Variants in TNS3 observed in about 807,000 individuals in gnomAD.
The protein encoded by TNS3 is tensin 3.
A neutral mutation model predicts 140.9 loss-of-function variants in TNS3; 45 were observed. The ratio of observed to expected loss-of-function variants is 0.32; its 90% CI spans 0.25 to 0.41. The LOEUF (loss-of-function observed/expected upper bound fraction) is 0.41. Among genes scored for constraint, TNS3 ranks in the 10% least tolerant of loss-of-function variants. TNS3 has a pLI of 1.00. For synonymous variants in TNS3, 815 were observed against 788.4 expected (o/e 1.03, Z -0.56); for missense variants, 1,716 against 1,906.7 (o/e 0.90, Z 1.86).
At chr7:47,428,842 G>A (rs1420508576) in intron 8 of TNS3, among the ~76,000 whole-genome samples, 1 of 152,208 alleles carries the variant, frequency 6.6e-6, no homozygotes, top group African/African-American at 2.4e-5. Context: ...CGGCACCTGA[G>A]CTCCACATAC....
At position 47,415,107 on chromosome 7, in the gene TNS3, G is replaced by A. The variant is rs368113552; in HGVS notation, c.573C>T (p.Phe191=). ...HFVILHGTPN[F]DTGGVCRPFL... ...GGGGACACTCACCTCCACCTGTGTC[G>A]AAGTTGGGGGTGCCGTGGAGGATGA... The change falls in exon 11 of 31, where the codon TTC becomes TTT. Residue 191 remains phenylalanine, a synonymous_variant. Transcript: ENST00000311160. 1.6e-4 allele frequency: 262 copies of A among 1,611,590 alleles called. No homozygotes were observed. Among genetic ancestry groups the A allele is most frequent in the Non-Finnish European group, 2.0e-4 (241 of 1,178,976 alleles).
intron 16 of TNS3, among the ~76,000 whole-genome samples, chr7:47,382,037 T>C (rs921446987): frequency 1.3e-5 from 2 of 152,228 alleles, no homozygotes; most frequent in African/African-American, 4.8e-5. Context: ...ACTGTATGTC[T>C]AGATATGGCT....
At chr7:47,533,123 A>ATATATATATATATGTATTTTT (rs1186427934) in intron 1 of TNS3, among the ~76,000 whole-genome samples, 5 of 88,818 alleles carry the variant, frequency 5.6e-5, no homozygotes, top group South Asian at 3.9e-4. Flanking sequence ...ATATATATAT[A>ATATATATATATATGTATTTTT]TTTTTTTTTT....
chr7:47,322,961 G>A (rs1228689784), intron 20 of TNS3, among the ~76,000 whole-genome samples: 3 of 152,154 alleles, frequency 2.0e-5, no homozygotes, highest in Non-Finnish European at 2.9e-5. Flanking sequence ...CATCACCAGG[G>A]CTTCCTACAT....
At chr7:47,434,120 T>C (rs779007532) in intron 8 of TNS3, among the ~76,000 whole-genome samples, 4 of 151,914 alleles carry the variant, frequency 2.6e-5, no homozygotes, top group Non-Finnish European at 4.4e-5. Flanking sequence ...CCGATGGAAG[T>C]TTTCTGCACA....
At chr7:47,444,300 T>C (rs1020734135) in intron 4 of TNS3, among the ~76,000 whole-genome samples, 1 of 150,260 alleles carries the variant, frequency 6.7e-6, no homozygotes, top group Non-Finnish European at 1.5e-5. Context: ...GTGACTCCCA[T>C]TGCAATGCCA....
chr7:47,434,281 C>G (rs1795068077), intron 8 of TNS3, among the ~76,000 whole-genome samples: 1 of 146,778 alleles, frequency 6.8e-6, no homozygotes. Flanking sequence ...GATTTCTGTG[C>G]AGTTTTTTAG....
chr7:47,478,742 T>C (rs1255356099), intron 4 of TNS3, among the ~76,000 whole-genome samples: 1 of 152,150 alleles, frequency 6.6e-6, no homozygotes, highest in African/African-American at 2.4e-5. Flanking sequence ...GGCACATGTA[T>C]GTATTCATGT....
rs746145967 is a variant in TNS3, at chr7:47,368,719, C to T, written c.1927G>A (p.Val643Ile). 6.3e-7 allele frequency: 1 copy of T among 1,578,138 alleles called. No homozygotes were observed. The highest frequency in any genetic ancestry group is 8.6e-7 in the Non-Finnish European group (1 of 1,161,702). The change falls in exon 17 of 31, where the codon GTC becomes ATC. Residue 643 changes from valine (V) to isoleucine (I), a missense_variant. This residue lies in a region of TNS3 where 1,163 missense variants were observed against 1,182.1 expected (regional missense o/e 0.98). Coordinates refer to ENST00000311160, the MANE Select transcript of TNS3 (RefSeq NM_022748.12). ...GGCCCACTGCCTACACCCCTCTGGA[C>T]AGCCACCCTACTGCTGGTCCCTCGG... ...PTRGTSSRVAVQRGVGSGPHP... is the reference protein window; with the variant it reads ...PTRGTSSRVAIQRGVGSGPHP...
intron 21 of TNS3, among the ~76,000 whole-genome samples, chr7:47,303,831 C>T (rs979575661): frequency 2.6e-5 from 4 of 152,204 alleles, no homozygotes; most frequent in African/African-American, 9.6e-5. Flanking sequence ...GGGGAGCCGC[C>T]CCATGAAGGC....
Position 47,302,070 on chromosome 7 carries a change from A to G in TNS3, c.3544+116T>C, listed in dbSNP as rs183063431. ...AACGTGTGGGCCCTGCTCAAACTCA[A>G]TCCATATGAAGGCCACGGCTGCCCG... On this transcript the variant is annotated intron_variant, in intron 23 of 30. Coordinates refer to ENST00000311160, the MANE Select transcript of TNS3 (RefSeq NM_022748.12). 424 of 793,222 alleles carry G rather than the reference A, an allele frequency of 5.3e-4. No individual in the cohort carries two copies. In the African/African-American group the frequency reaches 5.8e-3, roughly 11 times the overall value. 49.1% of individuals were successfully genotyped at this position (793,222 alleles called of 1,614,324 possible).
At position 47,534,476 on chromosome 7, in the gene TNS3, G is replaced by C. The variant is rs79757440; in HGVS notation, c.-264-5329C>G. ...ACGCTGTATCATCTGTCAGTTCATA[G>C]GAATCACTGGGGCAGTTTTTAAAAC... On this transcript the variant is annotated intron_variant, in intron 1 of 30. Coordinates refer to ENST00000311160, the MANE Select transcript of TNS3 (RefSeq NM_022748.12). 9.2e-3 allele frequency among the ~76,000 whole-genome samples: 1,401 copies of C among 151,910 alleles called. 19 individuals are homozygous for C. Among genetic ancestry groups the C allele is most frequent in the African/African-American group, 0.032 (1,306 of 41,280 alleles).
chr7:47,297,595 G>A (rs779763232), intron 23 of TNS3, among the ~76,000 whole-genome samples: 12 of 152,022 alleles, frequency 7.9e-5, no homozygotes, highest in Non-Finnish European at 1.3e-4. Context: ...GACAGCCCAG[G>A]AAACCAAGGC....
rs187728541 is a variant in TNS3 at position 47,518,132 on chromosome 7, G to A, written c.-153+10904C>T. ...CAAGGCTCTTGGCTGCACCCAGCCT[G>A]CCTCCCACAGCACCATTTCCTCAGC... On this transcript the variant is annotated intron_variant, in intron 2 of 30. Coordinates refer to ENST00000311160, the MANE Select transcript of TNS3 (RefSeq NM_022748.12). Among the ~76,000 whole-genome samples the A allele has an allele frequency of 3.3e-4, 51 of 152,294 alleles. No individual in the cohort carries two copies. The East Asian group carries it at 9.3e-3, about 28-fold the overall frequency.
intron 13 of TNS3, among the ~76,000 whole-genome samples, chr7:47,404,434 G>T (rs372097658): frequency 2.2e-4 from 33 of 152,156 alleles, no homozygotes; most frequent in African/African-American, 7.9e-4. Flanking sequence ...TATTTAAAGG[G>T]CATAAGCTTC....
At chr7:47,582,443 G>T (rs890439779), upstream of TNS3, 2 of 456,656 alleles carry the variant, frequency 4.4e-6, no homozygotes, top group Non-Finnish European at 8.8e-6. Flanking sequence ...AGGCGGGTTC[G>T]GATCCTGGTT....
At chr7:47,336,642 A>G (rs1158785415) in intron 20 of TNS3, among the ~76,000 whole-genome samples, 4 of 152,214 alleles carry the variant, frequency 2.6e-5, no homozygotes. Flanking sequence ...TTATGGCTAA[A>G]CTAAGTGCCC....
intron 1 of TNS3, among the ~76,000 whole-genome samples, chr7:47,546,305 G>A (rs1248602552): frequency 6.6e-6 from 1 of 152,118 alleles, no homozygotes; most frequent in Non-Finnish European, 1.5e-5. Context: ...GTCCACGTCC[G>A]GCACCCCCTG....
intron 4 of TNS3, among the ~76,000 whole-genome samples, chr7:47,454,026 T>C (rs1796141165): frequency 6.6e-6 from 1 of 152,252 alleles, no homozygotes; most frequent in African/African-American, 2.4e-5. Context: ...TTTTATCACT[T>C]ATTTCATAAC....
Sources: gnomAD v4.1 joint callset for allele counts (sites outside exome capture counted in the v4.1 genomes callset) on GRCh38, gnomAD v4.1.1 for gene constraint, gnomAD v4.1.1 regional missense constraint, MANE v1.5 for transcripts, NCBI Gene and HGNC (gene_info 2026-07-23, HGNC 2026-07-21) for gene names.